RIC8B: variants seen among roughly 807,000 people sequenced by gnomAD.
RIC8B encodes chaperone Ric-8B.
Under a neutral mutation model 57.5 loss-of-function variants are expected in RIC8B, and 16 were observed. That is an observed-to-expected ratio of 0.28 (90% CI 0.19 to 0.42). RIC8B has a LOEUF of 0.42. Ranked by LOEUF, RIC8B falls within the 10% of genes least tolerant of loss-of-function variation. The pLI, the probability that RIC8B is intolerant of heterozygous loss-of-function variation, is 1.00. For synonymous variants in RIC8B, 216 were observed against 250.8 expected (o/e 0.86, Z 1.31); for missense variants, 481 against 677.0 (o/e 0.71, Z 3.21).
intron 4 of RIC8B, among the ~76,000 whole-genome samples, chr12:106,838,161 A>G (rs1390378286): frequency 6.6e-6 from 1 of 152,346 alleles, no homozygotes; most frequent in African/African-American, 2.4e-5. Context: ...AACAAAAGAA[A>G]GAGTCCAGAA....
At chr12:106,882,789 G>T (rs1400326649) in intron 9 of RIC8B, among the ~76,000 whole-genome samples, 1 of 152,146 alleles carries the variant, frequency 6.6e-6, no homozygotes. Flanking sequence ...GAGCCATGTG[G>T]AGAAGAAAAT....
intron 9 of RIC8B, chr12:106,874,554 T>C: frequency 1.3e-6 from 2 of 1,550,984 alleles, no homozygotes; most frequent in Non-Finnish European, 1.7e-6. Context: ...CTTACCAAAG[T>C]GATGATGACT....
chr12:106,883,356 T>C (rs996146903), intron 9 of RIC8B, among the ~76,000 whole-genome samples: 1 of 152,184 alleles, frequency 6.6e-6, no homozygotes, highest in Admixed American at 6.5e-5. Context: ...ATTTAAAATA[T>C]AGGTATGTAA....
intron 4 of RIC8B, among the ~76,000 whole-genome samples, chr12:106,841,649 T>C (rs1167127435): frequency 6.6e-6 from 1 of 152,146 alleles, no homozygotes; most frequent in African/African-American, 2.4e-5. Context: ...GATCTGCTTC[T>C]CTGTCACTAG....
At chr12:106,804,463 G>T (rs1433109887) in intron 2 of RIC8B, among the ~76,000 whole-genome samples, 1 of 152,122 alleles carries the variant, frequency 6.6e-6, no homozygotes, top group Non-Finnish European at 1.5e-5. Context: ...TGATCCGCCC[G>T]CCTTGGCCTC....
chr12:106,795,501 G>T lies in RIC8B; in HGVS notation c.132+11457G>T, dbSNP rs1390985373. On this transcript the variant is annotated intron_variant, in intron 2 of 9. Coordinates refer to ENST00000392837, the MANE Select transcript of RIC8B (RefSeq NM_001330145.2). ...GGAGGTGATGTCTGATTTACATAGG[G>T]CTCACAGACTGGTTCGATCAGGTAT... 2.0e-5 allele frequency among the ~76,000 whole-genome samples: 3 copies of T among 152,140 alleles called. No individual in the cohort carries two copies. In the East Asian group the frequency reaches 5.8e-4, roughly 29 times the overall value.
At chr12:106,871,553 C>A (rs903513227) in intron 9 of RIC8B, 2 of 143,890 alleles carry the variant, frequency 1.4e-5, no homozygotes, top group Non-Finnish European at 3.0e-5. Context: ...TCAAAAATAA[C>A]CAGTTTTGAA....
intron 9 of RIC8B, chr12:106,874,600 G>A (rs1194379341): frequency 2.0e-6 from 3 of 1,466,932 alleles, no homozygotes; most frequent in Non-Finnish European, 2.8e-6. Flanking sequence ...ACTGAGCCTG[G>A]TGTAGGGTAT....
chr12:106,822,077 C>CAAAAAAAAAAAAAAAAAAA (rs67378158), intron 3 of RIC8B, among the ~76,000 whole-genome samples: 84 of 38,022 alleles, frequency 2.2e-3, no homozygotes, highest in African/African-American at 2.5e-3. Flanking sequence ...GACTCCATCT[C>CAAAAAAAAAAAAAAAAAAA]AAAAAAAAAA....
In RIC8B at chr12:106,826,273, C is replaced by CT. The variant is rs1214232836; in HGVS notation, c.836+454dup. Among the ~76,000 whole-genome samples the CT allele has an allele frequency of 2.0e-5, 3 of 152,180 alleles. No individual in the cohort carries two copies. The East Asian group carries it at 5.8e-4, about 29-fold the overall frequency. On this transcript the variant is annotated intron_variant, in intron 4 of 9. Coordinates refer to ENST00000392837, the MANE Select transcript of RIC8B (RefSeq NM_001330145.2). Reference sequence around the variant, plus strand: ...TGCATAGAAAGATCAAGCAATTTCTCTGAGATTATACAGCCCTAACAAGTG... The same window carrying CT: ...TGCATAGAAAGATCAAGCAATTTCTCTTGAGATTATACAGCCCTAACAAGTG...
intron 4 of RIC8B, among the ~76,000 whole-genome samples, chr12:106,837,160 G>A (rs1368636185): frequency 1.3e-5 from 2 of 152,126 alleles, no homozygotes; most frequent in African/African-American, 2.4e-5. Context: ...TCAGGAGTTC[G>A]AGACCAGCCT....
Position 106,804,236 on chromosome 12 carries a change from A to G in RIC8B, c.133-10460A>G, listed in dbSNP as rs539594886. ...CTTTCTTTCTTTTTTTTTTTTTGAG[A>G]CAGAGTCTCGCTCTGTCGCCCAGGC... On this transcript the variant is annotated intron_variant, in intron 2 of 9. Transcript: ENST00000392837. Among the ~76,000 whole-genome samples, 23 of 143,974 alleles carry G rather than the reference A, an allele frequency of 1.6e-4. No homozygotes were observed. The East Asian group carries it at 4.7e-3, about 29-fold the overall frequency. 94.5% of individuals were successfully genotyped at this position (143,974 alleles called of 152,430 possible).
intron 2 of RIC8B, among the ~76,000 whole-genome samples, chr12:106,793,304 T>G (rs2044337598): frequency 6.6e-6 from 1 of 152,102 alleles, no homozygotes; most frequent in African/African-American, 2.4e-5. Flanking sequence ...GCTCAGAAAT[T>G]TTGTCCAGGG....
intron 2 of RIC8B, among the ~76,000 whole-genome samples, chr12:106,809,887 G>A (rs1477817203): frequency 6.6e-6 from 1 of 151,618 alleles, no homozygotes; most frequent in Admixed American, 6.6e-5. Flanking sequence ...ATAAATTATT[G>A]GTAACTGTAA....
chr12:106,806,174 C>T (rs778546109), intron 2 of RIC8B, among the ~76,000 whole-genome samples: 8 of 151,956 alleles, frequency 5.3e-5, no homozygotes, highest in South Asian at 2.1e-4. Flanking sequence ...CTCGAACTCC[C>T]GACCTCAGGT....
At chr12:106,829,827 T>C (rs996040485) in intron 4 of RIC8B, among the ~76,000 whole-genome samples, 1 of 152,214 alleles carries the variant, frequency 6.6e-6, no homozygotes, top group Non-Finnish European at 1.5e-5. Context: ...TTGTCATGGC[T>C]CCTCTTTGTC....
chr12:106,843,843 T>A lies in RIC8B; in HGVS notation c.1066-9T>A, dbSNP rs754099048. ...GTATTTCAAAAACATATGGTTTTTT[T>A]TTTTATAGGGAAGCAGCTATAGAGA... On this transcript the variant is annotated splice_polypyrimidine_tract_variant and intron_variant, in intron 5 of 9. Coordinates refer to ENST00000392837, the MANE Select transcript of RIC8B (RefSeq NM_001330145.2). 1 of 1,591,920 alleles carries A rather than the reference T, an allele frequency of 6.3e-7. No homozygotes were observed. Among genetic ancestry groups the A allele is most frequent in the Non-Finnish European group, 8.6e-7 (1 of 1,167,434 alleles).
At chr12:106,793,766 A>G (rs2044357682) in intron 2 of RIC8B, among the ~76,000 whole-genome samples, 1 of 152,258 alleles carries the variant, frequency 6.6e-6, no homozygotes, top group Non-Finnish European at 1.5e-5. Context: ...GTGCAACATT[A>G]GGGCTTCACA....
At chr12:106,854,458 G>A (rs1166364975) in intron 7 of RIC8B, among the ~76,000 whole-genome samples, 1 of 152,216 alleles carries the variant, frequency 6.6e-6, no homozygotes, top group Non-Finnish European at 1.5e-5. Context: ...GAGACAGACA[G>A]TAAGCAGCAG....
Sources: gnomAD v4.1 joint callset for allele counts (sites outside exome capture counted in the v4.1 genomes callset) on GRCh38, gnomAD v4.1.1 for gene constraint, MANE v1.5 for transcripts, NCBI Gene and HGNC (gene_info 2026-07-23, HGNC 2026-07-21) for gene names.